The following LRP1B variants were observed in gnomAD, a reference collection of about 807,000 sequenced individuals.
LRP1B encodes the protein low-density lipoprotein receptor-related protein 1B.
Under a neutral mutation model 556.6 loss-of-function variants are expected in LRP1B, and 217 were observed. The observed-to-expected ratio is 0.39, with a 90% CI of 0.35 to 0.44. LRP1B has a LOEUF of 0.44. LRP1B is among the 20% of genes least tolerant of loss of function. The pLI is 1.00. For synonymous variants in LRP1B, 2,047 were observed against 1,865.8 expected, an observed-to-expected ratio of 1.10 and a Z score of -2.50; for missense variants, 5,053 against 5,620.8, an observed-to-expected ratio of 0.90 and a Z score of 3.23.
At chr2:141,447,632 C>T (rs891731991) in intron 3 of LRP1B, among the ~76,000 whole-genome samples, 11 of 152,082 alleles carry the variant, frequency 7.2e-5, no homozygotes, top group African/African-American at 2.7e-4. Context: ...GATGCTATTC[C>T]TTTCTGTTTG....
chr2:141,121,496 A>G (rs1701047029), intron 7 of LRP1B, among the ~76,000 whole-genome samples: 2 of 152,104 alleles, frequency 1.3e-5, no homozygotes, highest in Non-Finnish European at 2.9e-5. Flanking sequence ...ACTCCCATTC[A>G]CAACTGCTTC....
At chr2:140,416,189 T>A (rs1481932810) in intron 66 of LRP1B, among the ~76,000 whole-genome samples, 2 of 152,224 alleles carry the variant, frequency 1.3e-5, no homozygotes, top group African/African-American at 4.8e-5. Context: ...ATTCTCAATG[T>A]GAACCCTATC....
chr2:141,801,575 C>A (rs1255968843), intron 2 of LRP1B, among the ~76,000 whole-genome samples: 1 of 152,170 alleles, frequency 6.6e-6, no homozygotes, highest in Non-Finnish European at 1.5e-5. Context: ...AAGTTTGGAG[C>A]AACCCATCAT....
At position 140,454,629 on chromosome 2, in the gene LRP1B, T is replaced by A. The variant is rs984660504; in HGVS notation, c.9963+1826A>T. Among the ~76,000 whole-genome samples the A allele has an allele frequency of 5.9e-5, 9 of 152,214 alleles. No individual in the cohort carries two copies. The East Asian group carries it at 1.7e-3, about 29-fold the overall frequency. On this transcript the variant is annotated intron_variant, in intron 62 of 90. Transcript: ENST00000389484. ...GGGGGTATTTAAAAATTATAAATAT[T>A]TTAGTGTTGTCATCATGGAAACCAA...
At chr2:141,079,851 T>C (rs1484398060) in intron 7 of LRP1B, among the ~76,000 whole-genome samples, 3 of 152,170 alleles carry the variant, frequency 2.0e-5, no homozygotes, top group African/African-American at 7.2e-5. Flanking sequence ...AAGTAAATCG[T>C]TTTGAATCCA....
intron 37 of LRP1B, among the ~76,000 whole-genome samples, chr2:140,715,290 G>A (rs577272442): frequency 1.3e-5 from 2 of 151,966 alleles, no homozygotes; most frequent in Non-Finnish European, 2.9e-5. Context: ...GTGAGTTTAG[G>A]AGACAGACTG....
At chr2:141,201,027 T>A (rs1343255361) in intron 6 of LRP1B, among the ~76,000 whole-genome samples, 1 of 152,154 alleles carries the variant, frequency 6.6e-6, no homozygotes, top group African/African-American at 2.4e-5. Context: ...AGCTCAAATA[T>A]AATAAGTCAC....
intron 1 of LRP1B, among the ~76,000 whole-genome samples, chr2:141,852,055 T>C (rs1308297410): frequency 6.6e-6 from 1 of 151,766 alleles, no homozygotes; most frequent in African/African-American, 2.4e-5. Context: ...CAAATCCTAA[T>C]TTTTATCCCC....
At chr2:141,770,041 C>T (rs76586167) in intron 2 of LRP1B, among the ~76,000 whole-genome samples, 14,456 of 151,992 alleles carry the variant, frequency 0.095, 944 homozygotes, top group African/African-American at 0.18. Context: ...GGCATGAGAG[C>T]GGGGACAAAA....
chr2:141,172,298 TCTA>T (rs1680534453), intron 7 of LRP1B, among the ~76,000 whole-genome samples: 1 of 152,060 alleles, frequency 6.6e-6, no homozygotes, highest in African/African-American at 2.4e-5. Context: ...TGTGTGTACT[TCTA>T]CAACATGAAC....
At chr2:142,053,827 A>G (rs2105236188) in intron 1 of LRP1B, among the ~76,000 whole-genome samples, 3 of 152,310 alleles carry the variant, frequency 2.0e-5, no homozygotes, top group Admixed American at 2.0e-4. Flanking sequence ...GTCTCTTGAC[A>G]CTAAGAGTTA....
At chr2:140,237,393 C>T (rs761702240) in intron 89 of LRP1B, among the ~76,000 whole-genome samples, 24 of 150,820 alleles carry the variant, frequency 1.6e-4, no homozygotes, top group Non-Finnish European at 2.7e-4. Flanking sequence ...TGTTGATGCA[C>T]ACTTAGGTTG....
rs867051170 is a variant in LRP1B at position 141,297,983 on chromosome 2, A to G, written c.344-43342T>C. 8.5e-5 allele frequency among the ~76,000 whole-genome samples: 13 copies of G among 152,336 alleles called. No homozygotes were observed. The Middle Eastern group carries it at 0.014, about 159-fold the overall frequency. Reference sequence around the variant, plus strand: ...AAGTACACTCTGTAATGTTCACACAATAACAAAATTGCCTAACAATGCATT... The same window carrying G: ...AAGTACACTCTGTAATGTTCACACAGTAACAAAATTGCCTAACAATGCATT... On this transcript the variant is annotated intron_variant, in intron 3 of 90. Coordinates refer to ENST00000389484, the MANE Select transcript of LRP1B (RefSeq NM_018557.3).
chr2:140,244,425 A>G (rs1183683527), intron 87 of LRP1B, among the ~76,000 whole-genome samples: 2 of 151,358 alleles, frequency 1.3e-5, no homozygotes, highest in African/African-American at 4.8e-5. Context: ...ATTTCAGCGG[A>G]TACAACAAAT....
At chr2:141,967,057 T>C (rs1701586241) in intron 1 of LRP1B, among the ~76,000 whole-genome samples, 1 of 151,882 alleles carries the variant, frequency 6.6e-6, no homozygotes, top group South Asian at 2.1e-4. Context: ...TCCTTTCCCA[T>C]CTCCAACTTC....
chr2:141,733,039 A>C (rs767955172), intron 2 of LRP1B, among the ~76,000 whole-genome samples: 1 of 152,074 alleles, frequency 6.6e-6, no homozygotes, highest in Non-Finnish European at 1.5e-5. Flanking sequence ...TAATGTGAGG[A>C]TCAATGGTGG....
chr2:140,433,261 C>T (rs1290583434), intron 66 of LRP1B, among the ~76,000 whole-genome samples: 1 of 152,112 alleles, frequency 6.6e-6, no homozygotes, highest in East Asian at 1.9e-4. Flanking sequence ...CCATGCCCAG[C>T]GAATTTTTGT....
At chr2:141,554,233 TATATCTATA>T (rs1416874022) in intron 2 of LRP1B, among the ~76,000 whole-genome samples, 21 of 145,880 alleles carry the variant, frequency 1.4e-4, no homozygotes, top group Non-Finnish European at 2.1e-4. Flanking sequence ...ATAGATTATA[TATATCTATA>T]GGAATAGACC....
At chr2:141,834,812 T>C (rs1697218460) in intron 1 of LRP1B, among the ~76,000 whole-genome samples, 1 of 151,858 alleles carries the variant, frequency 6.6e-6, no homozygotes, top group Non-Finnish European at 1.5e-5. Flanking sequence ...TACAGTACGC[T>C]GAGAAAGTGA....
Sources: allele counts gnomAD v4.1 joint callset (sites outside exome capture counted in the v4.1 genomes callset), GRCh38; gene constraint gnomAD v4.1.1; transcripts MANE v1.5; gene names NCBI Gene and HGNC (gene_info 2026-07-23, HGNC 2026-07-21).